Variants in TP53BP1 observed in about 807,000 individuals in gnomAD.
The protein encoded by TP53BP1 is TP53-binding protein 1.
TP53BP1 carries 61 observed loss-of-function variants against 200.8 expected under a neutral mutation model. The ratio of observed to expected loss-of-function variants is 0.30; its 90% CI spans 0.25 to 0.38. The LOEUF is 0.38. Among genes scored for constraint, TP53BP1 ranks in the 10% least tolerant of loss-of-function variants. TP53BP1 has a pLI of 1.00. For synonymous variants in TP53BP1, 822 were observed against 844.3 expected (o/e 0.97, Z 0.46); for missense variants, 2,144 against 2,371.9 (o/e 0.90, Z 2.00).
intron 16 of TP53BP1, among the ~76,000 whole-genome samples, chr15:43,435,890 T>C (rs1482475761): frequency 6.6e-6 from 1 of 152,056 alleles, no homozygotes; most frequent in Non-Finnish European, 1.5e-5. Flanking sequence ...GAGACAGCGT[T>C]TTACCATGTT....
chr15:43,461,188 A>G (rs2140061693), intron 11 of TP53BP1, among the ~76,000 whole-genome samples: 1 of 152,072 alleles, frequency 6.6e-6, no homozygotes, highest in South Asian at 2.1e-4. Context: ...AGGAAACAAT[A>G]TGAAATACCT....
At chr15:43,426,165 C>T (rs537813453) in intron 18 of TP53BP1, among the ~76,000 whole-genome samples, 9 of 151,946 alleles carry the variant, frequency 5.9e-5, no homozygotes, top group East Asian at 3.9e-4. Flanking sequence ...AAAAACAGGC[C>T]GGGCGCAGTG....
intron 11 of TP53BP1, among the ~76,000 whole-genome samples, chr15:43,457,718 G>A (rs689826): frequency 0.32 from 39,512 of 123,856 alleles, 9,348 homozygotes; most frequent in African/African-American, 0.67. Flanking sequence ...CATTCATAAA[G>A]CAGGTATTAA....
chr15:43,460,547 C>A (rs1268765417), intron 11 of TP53BP1, among the ~76,000 whole-genome samples: 2 of 152,108 alleles, frequency 1.3e-5, no homozygotes, highest in Non-Finnish European at 2.9e-5. Flanking sequence ...GCATGAGCCA[C>A]CACGCTCAGG....
rs2045362743 is a variant in TP53BP1, at chr15:43,420,234, C to G, written c.4681+71G>C. On this transcript the variant is annotated intron_variant, in intron 21 of 27. Transcript: ENST00000382044. ...AAAGTACCAAGTAATGTCTTGGTAACTACTAACATAACAGAGTATTATTGC... is the reference window on the plus strand; with the variant it reads ...AAAGTACCAAGTAATGTCTTGGTAAGTACTAACATAACAGAGTATTATTGC... 5 of 1,398,328 alleles carry G rather than the reference C, an allele frequency of 3.6e-6. No homozygotes were observed. In the South Asian group the frequency reaches 6.5e-5, roughly 18 times the overall value. 86.6% of individuals were successfully genotyped at this position (1,398,328 alleles called of 1,614,324 possible). A position where few individuals can be genotyped will look rare whatever the true frequency, so the allele number is the denominator to read the frequency against.
At chr15:43,450,093 T>C (rs538262835) in intron 12 of TP53BP1, among the ~76,000 whole-genome samples, 27 of 152,348 alleles carry the variant, frequency 1.8e-4, no homozygotes, top group African/African-American at 6.5e-4. Context: ...CAGATAATCA[T>C]GGGCTATCAT....
intron 4 of TP53BP1, among the ~76,000 whole-genome samples, chr15:43,491,174 A>C (rs1287520462): frequency 1.3e-5 from 2 of 151,456 alleles, no homozygotes; most frequent in Non-Finnish European, 2.9e-5. Context: ...TCCGCCTCCC[A>C]GGTTCAAGCA....
At chr15:43,424,738 T>A (rs1039743309) in intron 18 of TP53BP1, among the ~76,000 whole-genome samples, 1 of 152,222 alleles carries the variant, frequency 6.6e-6, no homozygotes, top group Non-Finnish European at 1.5e-5. Flanking sequence ...TCTTAGAACT[T>A]TTAATATGGT....
At chr15:43,457,599 G>A (rs1024575190) in intron 11 of TP53BP1, among the ~76,000 whole-genome samples, 1 of 144,234 alleles carries the variant, frequency 6.9e-6, no homozygotes, top group Admixed American at 7.0e-5. Context: ...TTGAACCTTG[G>A]AGGCGGAGGT....
intron 11 of TP53BP1, 130 bp downstream of exon 11, chr15:43,469,728 T>C (rs962443961): frequency 7.3e-5 from 59 of 809,316 alleles, no homozygotes; most frequent in Non-Finnish European, 1.0e-4. Flanking sequence ...TTCACAACTC[T>C]GTAAATTTAC....
chr15:43,480,163 A>G (rs1003582321), intron 5 of TP53BP1, 146 bp from the exon 6 acceptor site: 2 of 713,686 alleles, frequency 2.8e-6, no homozygotes, highest in Non-Finnish European at 4.5e-6. Context: ...TAAAAAATAA[A>G]TGTGGCCGAG....
In TP53BP1 at chr15:43,404,742, TAAAA is replaced by T; in HGVS notation, c.*2637_*2640del. The T allele has an allele frequency of 1.6e-6, 1 of 638,538 alleles. No homozygotes were observed. Among genetic ancestry groups the T allele is most frequent in the Non-Finnish European group, 2.6e-6 (1 of 387,004 alleles). The allele number at this position is 638,538 out of a possible 1,614,324, so 39.6% of individuals were successfully genotyped here. A position where few individuals can be genotyped will look rare whatever the true frequency, so the allele number is the denominator to read the frequency against. On this transcript the variant is annotated 3_prime_UTR_variant, in exon 28 of 28. Transcript: ENST00000382044. ...TTTCTAGTAGAAGTCATCATCATCA[TAAAA>T]TACTAAAAAACCTGACAGTGAGATA...
intron 12 of TP53BP1, among the ~76,000 whole-genome samples, chr15:43,454,950 A>G (rs904301141): frequency 6.6e-6 from 1 of 151,996 alleles, no homozygotes; most frequent in Non-Finnish European, 1.5e-5. Flanking sequence ...GGCTGGTCTC[A>G]AACTCCTGAG....
chr15:43,446,421 C>T lies in TP53BP1; in HGVS notation c.3006G>A (p.Glu1002=), dbSNP rs1336927309. Residue 1002 remains glutamate, a synonymous_variant, in exon 14 of 28, where the codon GAG becomes GAA. Transcript: ENST00000382044. ...TGAACTGCAAAGACTCTTCACTCGC[C>T]TCAGTCTCAGGACTAACCAGTTTCA... ...LRMKLVSPET[E]ASEESLQFNL... is the part of the protein sequence containing the mutation. The T allele has an allele frequency of 3.7e-6, 6 of 1,614,152 alleles. No individual in the cohort carries two copies. Among genetic ancestry groups the T allele is most frequent in the Middle Eastern group, 1.6e-4 (1 of 6,062 alleles).
intron 4 of TP53BP1, among the ~76,000 whole-genome samples, chr15:43,484,728 A>G (rs979377050): frequency 6.6e-6 from 1 of 151,008 alleles, no homozygotes; most frequent in Non-Finnish European, 1.5e-5. Context: ...ATCCCAGATA[A>G]CAGCAAATAC....
At chr15:43,475,812 G>C in intron 8 of TP53BP1, 118 bp from the exon 9 acceptor site, 2 of 1,278,472 alleles carry the variant, frequency 1.6e-6, no homozygotes, top group Non-Finnish European at 2.2e-6. Flanking sequence ...ATTTCCAAAA[G>C]GGCAGAAATT....
At chr15:43,451,159 C>G (rs1027245525) in intron 12 of TP53BP1, among the ~76,000 whole-genome samples, 3 of 152,058 alleles carry the variant, frequency 2.0e-5, no homozygotes, top group African/African-American at 4.8e-5. Flanking sequence ...TCTTTTCAGA[C>G]TGAAGAACCA....
rs138539128 is a variant in TP53BP1 at position 43,424,603 on chromosome 15, T to C, written c.3829-2477A>G. Among the ~76,000 whole-genome samples the C allele has an allele frequency of 1.0e-4, 16 of 152,384 alleles. No homozygotes were observed. The East Asian group carries it at 3.1e-3, about 29-fold the overall frequency. ...AGTCACTATCATTATTTAAGTTTAG[T>C]AGTGCTTCCCAAACTATCTTCCATA... On this transcript the variant is annotated intron_variant, in intron 18 of 27. Transcript: ENST00000382044.
At chr15:43,471,111 C>CA (rs917648797) in intron 10 of TP53BP1, among the ~76,000 whole-genome samples, 4 of 151,002 alleles carry the variant, frequency 2.6e-5, no homozygotes, top group South Asian at 2.1e-4. Flanking sequence ...AAGAGAAAAG[C>CA]AAAAAAACAA....
Sources: gnomAD v4.1 joint callset for allele counts (sites outside exome capture counted in the v4.1 genomes callset) on GRCh38, gnomAD v4.1.1 for gene constraint, MANE v1.5 for transcripts, NCBI Gene and HGNC (gene_info 2026-07-23, HGNC 2026-07-21) for gene names.